The following ARHGAP24 variants were observed in gnomAD, a reference collection of about 807,000 sequenced individuals.
ARHGAP24 encodes rho GTPase-activating protein 24.
ARHGAP24 carries 50 observed loss-of-function variants against 76.4 expected under a neutral mutation model. That is an observed-to-expected ratio of 0.65 (90% CI 0.52 to 0.83). The LOEUF is 0.83. Ranked by LOEUF, ARHGAP24 falls within the 40% of genes least tolerant of loss-of-function variation. The pLI is 0.00. For synonymous variants in ARHGAP24, 345 were observed against 323.3 expected, an observed-to-expected ratio of 1.07 and a Z score of -0.72; for missense variants, 930 against 914.2, an observed-to-expected ratio of 1.02 and a Z score of -0.22.
chr4:85,670,499 C>T (rs1279059385), intron 2 of ARHGAP24, among the ~76,000 whole-genome samples: 1 of 152,178 alleles, frequency 6.6e-6, no homozygotes, highest in Non-Finnish European at 1.5e-5. Context: ...ATCCAATCAA[C>T]TGAACAGTTG....
chr4:85,984,628 G>T (rs1198905484), intron 8 of ARHGAP24, among the ~76,000 whole-genome samples: 2 of 152,154 alleles, frequency 1.3e-5, no homozygotes, highest in African/African-American at 4.8e-5. Flanking sequence ...AGATCAGGGT[G>T]CATCCAAGTG....
At chr4:85,996,503 G>A (rs760266954) in intron 9 of ARHGAP24, among the ~76,000 whole-genome samples, 11 of 152,062 alleles carry the variant, frequency 7.2e-5, no homozygotes, top group Non-Finnish European at 1.6e-4. Flanking sequence ...ATCCTCAGTT[G>A]GTTGTTAAGT....
At chr4:85,926,790 C>A (rs977981586) in intron 4 of ARHGAP24, among the ~76,000 whole-genome samples, 1 of 151,986 alleles carries the variant, frequency 6.6e-6, no homozygotes, top group Non-Finnish European at 1.5e-5. Context: ...GTCTTTAAGA[C>A]CCAAGGAGGA....
intron 5 of ARHGAP24, among the ~76,000 whole-genome samples, chr4:85,969,280 T>C (rs2148848928): frequency 6.6e-6 from 1 of 152,232 alleles, no homozygotes; most frequent in South Asian, 2.1e-4. Flanking sequence ...AACAGTGTGT[T>C]TGGGAATAGT....
intron 3 of ARHGAP24, among the ~76,000 whole-genome samples, chr4:85,844,731 A>C (rs1483983598): frequency 6.6e-6 from 1 of 152,216 alleles, no homozygotes; most frequent in Non-Finnish European, 1.5e-5. Flanking sequence ...AGTCAAGCAA[A>C]TTTGTATTGG....
intron 3 of ARHGAP24, among the ~76,000 whole-genome samples, chr4:85,785,257 G>A (rs987907438): frequency 3.3e-5 from 5 of 152,052 alleles, no homozygotes; most frequent in Non-Finnish European, 7.4e-5. Flanking sequence ...AAAACATTTT[G>A]TTCTGTTTGT....
intron 3 of ARHGAP24, among the ~76,000 whole-genome samples, chr4:85,894,978 A>G (rs79963570): frequency 2.6e-5 from 1 of 38,060 alleles, no homozygotes; most frequent in Non-Finnish European, 5.0e-5. Context: ...AAAAAAAAAA[A>G]AAAAAAAAAA....
chr4:85,679,407 G>A (rs1723118701), intron 2 of ARHGAP24, among the ~76,000 whole-genome samples: 1 of 152,114 alleles, frequency 6.6e-6, no homozygotes, highest in Non-Finnish European at 1.5e-5. Flanking sequence ...GAACAGCCGT[G>A]CCAAAATGTA....
At position 85,998,665 on chromosome 4, in the gene ARHGAP24, T is replaced by G. The variant is rs1010481330; in HGVS notation, c.2004-1814T>G. On this transcript the variant is annotated intron_variant, in intron 9 of 9. Coordinates refer to ENST00000395184, the MANE Select transcript of ARHGAP24 (RefSeq NM_001025616.3). Reference sequence around the variant, plus strand: ...TATAATTATCATTTTTGAGGCATTCTAGGTAACTTTTCTCAGACCTGTTTT... The same window carrying G: ...TATAATTATCATTTTTGAGGCATTCGAGGTAACTTTTCTCAGACCTGTTTT... 2.0e-5 allele frequency among the ~76,000 whole-genome samples: 3 copies of G among 152,204 alleles called. No individual in the cohort carries two copies. The South Asian group carries it at 6.2e-4, about 32-fold the overall frequency.
In ARHGAP24 at chr4:85,824,858, G is replaced by A. The variant is rs140223915; in HGVS notation, c.269-98790G>A. 5.8e-3 allele frequency among the ~76,000 whole-genome samples: 884 copies of A among 152,320 alleles called. 10 individuals carry two copies. The highest frequency in any genetic ancestry group is 0.02 in the African/African-American group (845 of 41,578). ...TAATCCTAGCACTTTGGGAAGCCAAGATGGTTGGATCACCTCAGGTCAGGA... is the reference window on the plus strand; with the variant it reads ...TAATCCTAGCACTTTGGGAAGCCAAAATGGTTGGATCACCTCAGGTCAGGA... On this transcript the variant is annotated intron_variant, in intron 3 of 9. Coordinates refer to ENST00000395184, the MANE Select transcript of ARHGAP24 (RefSeq NM_001025616.3).
rs748150516 is a variant in ARHGAP24 at position 85,547,926 on chromosome 4, T to C, written c.-20-22596T>C. On this transcript the variant is annotated intron_variant, in intron 1 of 9. Coordinates refer to ENST00000395184, the MANE Select transcript of ARHGAP24 (RefSeq NM_001025616.3). ...TTGTAATTCCATTATTCCTTTCAAA[T>C]TGAATAATTGACATTCTGCTGAAAG... Among the ~76,000 whole-genome samples, 14 of 152,364 alleles carry C rather than the reference T, an allele frequency of 9.2e-5. No individual in the cohort carries two copies. The East Asian group carries it at 2.3e-3, about 25-fold the overall frequency.
intron 2 of ARHGAP24, among the ~76,000 whole-genome samples, chr4:85,573,066 C>T (rs868203279): frequency 3.3e-5 from 5 of 151,626 alleles, no homozygotes; most frequent in African/African-American, 9.7e-5. Context: ...TTAGTAGAGA[C>T]GGGTTTCACC....
At chr4:85,793,445 C>T (rs1728213993) in intron 3 of ARHGAP24, among the ~76,000 whole-genome samples, 1 of 152,000 alleles carries the variant, frequency 6.6e-6, no homozygotes. Flanking sequence ...TAAAACATAG[C>T]CTGAAAAAAA....
At chr4:85,492,277 C>A (rs1483142181) in intron 1 of ARHGAP24, among the ~76,000 whole-genome samples, 1 of 152,100 alleles carries the variant, frequency 6.6e-6, no homozygotes, top group Non-Finnish European at 1.5e-5. Context: ...TTACACATTT[C>A]CAGGATGTGC....
intron 3 of ARHGAP24, among the ~76,000 whole-genome samples, chr4:85,766,678 A>G (rs1158053484): frequency 1.3e-5 from 2 of 152,160 alleles, no homozygotes; most frequent in East Asian, 1.9e-4. Context: ...TGCTGAGGTG[A>G]AAGCATAAAT....
intron 1 of ARHGAP24, among the ~76,000 whole-genome samples, chr4:85,544,591 A>G (rs977195869): frequency 1.3e-5 from 2 of 152,114 alleles, no homozygotes; most frequent in African/African-American, 2.4e-5. Flanking sequence ...TGGATCCTAT[A>G]TATAGCAGGG....
intron 1 of ARHGAP24, among the ~76,000 whole-genome samples, chr4:85,505,541 A>G (rs1578190844): frequency 2.0e-5 from 3 of 152,168 alleles, no homozygotes; most frequent in Admixed American, 2.0e-4. Flanking sequence ...CATGCGTCAC[A>G]AAGTTCTAAT....
intron 3 of ARHGAP24, among the ~76,000 whole-genome samples, chr4:85,857,674 C>G (rs907564132): frequency 6.6e-6 from 1 of 152,190 alleles, no homozygotes; most frequent in African/African-American, 2.4e-5. Context: ...TCCTTACTCT[C>G]TCAGACTGAT....
At chr4:85,910,833 G>A (rs904046114) in intron 3 of ARHGAP24, among the ~76,000 whole-genome samples, 1 of 151,890 alleles carries the variant, frequency 6.6e-6, no homozygotes, top group African/African-American at 2.4e-5. Context: ...CCTGTCCCTC[G>A]GTGAGACTGG....
Sources: gnomAD v4.1 joint callset for allele counts (sites outside exome capture counted in the v4.1 genomes callset) on GRCh38, gnomAD v4.1.1 for gene constraint, MANE v1.5 for transcripts, NCBI Gene and HGNC (gene_info 2026-07-23, HGNC 2026-07-21) for gene names.